The following GK5 variants were observed in gnomAD, a reference collection of about 807,000 sequenced individuals.
GK5 encodes the protein glycerol kinase 5, also known as ATP:glycerol 3-phosphotransferase 5.
Under a neutral mutation model 77.3 loss-of-function variants are expected in GK5, and 39 were observed. The observed-to-expected ratio is 0.50, with a 90% CI of 0.39 to 0.66. The LOEUF is 0.66. GK5 is among the 30% of genes least tolerant of loss of function. The pLI, the probability that GK5 is intolerant of heterozygous loss-of-function variation, is 0.00. For missense variants in GK5, 487 were observed against 633.8 expected, an observed-to-expected ratio of 0.77 and a Z score of 2.49; for synonymous variants, 211 against 208.0, an observed-to-expected ratio of 1.01 and a Z score of -0.13.
chr3:142,174,867 TG>T (rs934855629), intron 12 of GK5, among the ~76,000 whole-genome samples: 1 of 152,076 alleles, frequency 6.6e-6, no homozygotes, highest in Non-Finnish European at 1.5e-5. Context: ...ACCTCATCAA[TG>T]GGGGAACTGA....
At chr3:142,174,443 C>G (rs1577108903) in intron 12 of GK5, among the ~76,000 whole-genome samples, 1 of 152,112 alleles carries the variant, frequency 6.6e-6, no homozygotes, top group South Asian at 2.1e-4. Context: ...TTGGCCAGTT[C>G]AATTAGTCCC....
chr3:142,190,636 A>G (rs1002347564), intron 5 of GK5, among the ~76,000 whole-genome samples: 2 of 152,220 alleles, frequency 1.3e-5, no homozygotes, highest in East Asian at 1.9e-4. Flanking sequence ...GATAAATTCA[A>G]TAACCATTCA....
In GK5 at chr3:142,165,605, G is replaced by C. The variant is rs149751754; in HGVS notation, c.*17C>G. ...ACATAAACCAGCTACCTATGGTTTTGATCATTTCATTTAGTGTTATGTCTT... is the reference window on the plus strand; with the variant it reads ...ACATAAACCAGCTACCTATGGTTTTCATCATTTCATTTAGTGTTATGTCTT... On this transcript the variant is annotated 3_prime_UTR_variant, in exon 16 of 16. Coordinates refer to ENST00000392993, the MANE Select transcript of GK5 (RefSeq NM_001039547.3). 9.9e-4 allele frequency: 1,568 copies of C among 1,588,510 alleles called. 13 individuals are homozygous for C. The African/African-American group carries it at 0.018, about 19-fold the overall frequency.
intron 3 of GK5, among the ~76,000 whole-genome samples, chr3:142,206,183 T>A (rs1295075786): frequency 6.6e-6 from 1 of 152,236 alleles, no homozygotes; most frequent in African/African-American, 2.4e-5. Flanking sequence ...ACTTGGGTTG[T>A]TTGTACTCTT....
At chr3:142,209,029 G>C (rs1263208936) in intron 3 of GK5, among the ~76,000 whole-genome samples, 1 of 152,036 alleles carries the variant, frequency 6.6e-6, no homozygotes, top group Non-Finnish European at 1.5e-5. Flanking sequence ...GGCACCTGTA[G>C]TCCCAGCTCC....
At chr3:142,193,404 C>G (rs1196304548) in intron 5 of GK5, among the ~76,000 whole-genome samples, 1 of 150,604 alleles carries the variant, frequency 6.6e-6, no homozygotes, top group Non-Finnish European at 1.5e-5. Flanking sequence ...TTTTCCCATA[C>G]TGTTCCTTTT....
intron 5 of GK5, among the ~76,000 whole-genome samples, chr3:142,195,445 G>A (rs1007580036): frequency 6.6e-6 from 1 of 152,140 alleles, no homozygotes; most frequent in Non-Finnish European, 1.5e-5. Flanking sequence ...CTGGGCTCAA[G>A]CAATCCTCCC....
At chr3:142,218,585 T>C (rs916635745) in intron 1 of GK5, among the ~76,000 whole-genome samples, 1 of 150,346 alleles carries the variant, frequency 6.7e-6, no homozygotes, top group Non-Finnish European at 1.5e-5. Flanking sequence ...ACTTTGCAAC[T>C]TACAGAAATT....
At position 142,165,688 on chromosome 3, in the gene GK5, A is replaced by T. The variant is rs1279777160; in HGVS notation, c.1524T>A (p.Tyr508Ter). The T allele has an allele frequency of 6.2e-7, 1 of 1,613,204 alleles. No homozygotes were observed. Among genetic ancestry groups the T allele is most frequent in the South Asian group, 1.1e-5 (1 of 90,962 alleles). ...VFKPQKKCQEYEMSLENWAKA... is the reference protein window; with the variant it reads ...VFKPQKKCQE Reference sequence around the variant, plus strand: ...TGGCCCAGTTTTCCAGACTCATTTCATATTCTTGACATTTCTTCTGTGGCT... The same window carrying T: ...TGGCCCAGTTTTCCAGACTCATTTCTTATTCTTGACATTTCTTCTGTGGCT... The change falls in exon 16 of 16, where the codon TAT becomes TAA. Residue 508 changes from tyrosine to a stop codon, truncating the protein, a stop_gained. Coordinates refer to ENST00000392993, the MANE Select transcript of GK5 (RefSeq NM_001039547.3). LOFTEE classifies it high-confidence loss of function.
chr3:142,193,740 T>C (rs563167777), intron 5 of GK5, among the ~76,000 whole-genome samples: 1 of 152,318 alleles, frequency 6.6e-6, no homozygotes, highest in South Asian at 2.1e-4. Flanking sequence ...AACTGTTTTC[T>C]TTCTTTTTTG....
chr3:142,173,534 A>G (rs959916832), intron 12 of GK5, among the ~76,000 whole-genome samples: 32 of 152,124 alleles, frequency 2.1e-4, no homozygotes, highest in Admixed American at 4.6e-4. Flanking sequence ...AATACAAAAA[A>G]TTAGCCAGAC....
chr3:142,220,536 C>T (rs1438743518), intron 1 of GK5, among the ~76,000 whole-genome samples: 5 of 152,132 alleles, frequency 3.3e-5, no homozygotes, highest in African/African-American at 1.2e-4. Context: ...TACACTGCAC[C>T]TCTACTCACC....
rs2063458821 is a variant in GK5 at position 142,165,068 on chromosome 3, G to A, written c.*554C>T. On this transcript the variant is annotated 3_prime_UTR_variant, in exon 16 of 16. Coordinates refer to ENST00000392993, the MANE Select transcript of GK5 (RefSeq NM_001039547.3). ...TTAACTATCTCATAAGCTTATCTGA[G>A]AGGGACATATTAAGCTCATATTTGG... is the stretch of plus-strand genomic sequence containing the variant. 6.6e-6 allele frequency: 1 copy of A among 152,630 alleles called. No homozygotes were observed. The highest frequency in any genetic ancestry group is 2.4e-5 in the African/African-American group (1 of 41,456). The allele number at this position is 152,630 out of a possible 1,614,324, so 9.5% of individuals were successfully genotyped here.
rs752535530 is a variant in GK5 at position 142,164,813 on chromosome 3, A to G, written c.*809T>C. On this transcript the variant is annotated 3_prime_UTR_variant, in exon 16 of 16. Transcript: ENST00000392993. Reference sequence around the variant, plus strand: ...GAAAGATAAAGAACAAGAGAAAGACAAGATTTATGTTAACTACCAGCATGT... The same window carrying G: ...GAAAGATAAAGAACAAGAGAAAGACGAGATTTATGTTAACTACCAGCATGT... 15 of 152,232 alleles carry G rather than the reference A, an allele frequency of 9.9e-5. No individual in the cohort carries two copies. Among genetic ancestry groups the G allele is most frequent in the Non-Finnish European group, 1.9e-4 (13 of 68,038 alleles). 9.4% of individuals were successfully genotyped at this position (152,232 alleles called of 1,614,324 possible).
intron 1 of GK5, among the ~76,000 whole-genome samples, chr3:142,216,099 T>A (rs1337827011): frequency 2.0e-5 from 3 of 152,168 alleles, no homozygotes; most frequent in African/African-American, 7.2e-5. Context: ...ACAGAATGCA[T>A]GGAGCAGCCA....
intron 1 of GK5, among the ~76,000 whole-genome samples, chr3:142,219,061 C>T (rs1036345352): frequency 6.6e-6 from 1 of 152,102 alleles, no homozygotes; most frequent in Admixed American, 6.6e-5. Context: ...ACTAATGATA[C>T]CAAGTATTGA....
chr3:142,174,237 T>A (rs2063578876), intron 12 of GK5, among the ~76,000 whole-genome samples: 1 of 152,166 alleles, frequency 6.6e-6, no homozygotes, highest in Non-Finnish European at 1.5e-5. Context: ...GAACAAACAA[T>A]ATTTTTCTTA....
chr3:142,200,698 G>A (rs1350744769), intron 4 of GK5, among the ~76,000 whole-genome samples: 1 of 152,128 alleles, frequency 6.6e-6, no homozygotes, highest in Non-Finnish European at 1.5e-5. Flanking sequence ...ACTCAGGATG[G>A]GTGGTGAGGT....
In GK5 at chr3:142,162,800, A is replaced by G. The variant is rs1392794017; in HGVS notation, c.*2822T>C. 1.3e-5 allele frequency: 2 copies of G among 152,220 alleles called. No individual in the cohort carries two copies. Among genetic ancestry groups the G allele is most frequent in the Non-Finnish European group, 2.9e-5 (2 of 68,094 alleles). The allele number at this position is 152,220 out of a possible 1,614,324, so 9.4% of individuals were successfully genotyped here. Reference sequence around the variant, plus strand: ...GTCACAAGGTCAGGAGTTTGAGACCAGCCTGGCCAACATGGTAAAACCCTG... The same window carrying G: ...GTCACAAGGTCAGGAGTTTGAGACCGGCCTGGCCAACATGGTAAAACCCTG... On this transcript the variant is annotated 3_prime_UTR_variant, in exon 16 of 16. Transcript: ENST00000392993.
Sources: allele counts gnomAD v4.1 joint callset (sites outside exome capture counted in the v4.1 genomes callset), GRCh38; gene constraint gnomAD v4.1.1; transcripts MANE v1.5; gene names NCBI Gene and HGNC (gene_info 2026-07-23, HGNC 2026-07-21).